The following PLXNC1 variants were observed in gnomAD, a reference collection of about 807,000 sequenced individuals.
The protein encoded by PLXNC1 is plexin-C1.
A neutral mutation model predicts 178.2 loss-of-function variants in PLXNC1; 75 were observed. The observed-to-expected ratio is 0.42, with a 90% CI of 0.35 to 0.51. PLXNC1 has a LOEUF of 0.51. PLXNC1 is among the 20% of genes least tolerant of loss of function. The pLI, the probability that PLXNC1 is intolerant of heterozygous loss-of-function variation, is 0.02. For synonymous variants in PLXNC1, 790 were observed against 779.9 expected (o/e 1.01, Z -0.22); for missense variants, 1,503 against 1,984.4 (o/e 0.76, Z 4.61).
Position 94,297,335 on chromosome 12 carries a change from C to T in PLXNC1, c.3986C>T (p.Ala1329Val). Reference protein sequence around the residue: ...HCHLILPDSEAFQDVQGKRHR... With the variant: ...HCHLILPDSEVFQDVQGKRHR... ...CTTCAGATTTTACCAGATTCGGAAG[C>T]ATTCCAAGATGTGCAAGGAAAGAGA... Residue 1329 changes from alanine to valine, a missense_variant, in exon 26 of 31, where the codon GCA (alanine) becomes GTA (valine). Ala to Val is a moderately conservative substitution (Grantham distance 64). Coordinates refer to ENST00000258526, the MANE Select transcript of PLXNC1 (RefSeq NM_005761.3). 1 of 1,613,956 alleles carries T rather than the reference C, an allele frequency of 6.2e-7. No homozygotes were observed. Among genetic ancestry groups the T allele is most frequent in the Non-Finnish European group, 8.5e-7 (1 of 1,179,836 alleles).
chr12:94,273,654 C>G (rs1169732430), intron 21 of PLXNC1, among the ~76,000 whole-genome samples: 1 of 152,166 alleles, frequency 6.6e-6, no homozygotes, highest in Admixed American at 6.5e-5. Flanking sequence ...AGTTCTTCTA[C>G]TAGTCTGCTA....
At chr12:94,165,275 C>T (rs1162486740) in intron 1 of PLXNC1, among the ~76,000 whole-genome samples, 3 of 152,210 alleles carry the variant, frequency 2.0e-5, no homozygotes, top group African/African-American at 4.8e-5. Context: ...GACGTTTCTC[C>T]GGAGCCTGTC....
At chr12:94,221,578 G>A (rs116700134) in intron 6 of PLXNC1, among the ~76,000 whole-genome samples, 4,001 of 152,156 alleles carry the variant, frequency 0.026, 84 homozygotes, top group Non-Finnish European at 0.027. Flanking sequence ...TGGGTTTTAT[G>A]GTGAGAGCTG....
intron 3 of PLXNC1, among the ~76,000 whole-genome samples, chr12:94,183,320 A>G (rs1482816908): frequency 6.6e-6 from 1 of 152,242 alleles, no homozygotes; most frequent in African/African-American, 2.4e-5. Flanking sequence ...TGAGATGGCC[A>G]CATCTTCCCA....
intron 9 of PLXNC1, among the ~76,000 whole-genome samples, chr12:94,231,461 A>G (rs11838129): frequency 0.094 from 14,346 of 152,196 alleles, 820 homozygotes; most frequent in African/African-American, 0.15. Context: ...TTCAGTGGCA[A>G]TGGAATGCCA....
At chr12:94,156,071 A>G (rs1425515974) in intron 1 of PLXNC1, among the ~76,000 whole-genome samples, 1 of 152,148 alleles carries the variant, frequency 6.6e-6, no homozygotes, top group African/African-American at 2.4e-5. Context: ...AAATTATTCA[A>G]CCTTTCTGTG....
chr12:94,299,553 C>T (rs1360928813), intron 27 of PLXNC1, among the ~76,000 whole-genome samples: 1 of 146,388 alleles, frequency 6.8e-6, no homozygotes, highest in Non-Finnish European at 1.5e-5. Context: ...CCTTCTCTTC[C>T]TGTGTTCTAG....
intron 5 of PLXNC1, among the ~76,000 whole-genome samples, chr12:94,215,661 G>A (rs1963627029): frequency 6.6e-6 from 1 of 151,870 alleles, no homozygotes; most frequent in Admixed American, 6.6e-5. Context: ...ATAGTGGAAA[G>A]CTCAGAAATA....
intron 5 of PLXNC1, among the ~76,000 whole-genome samples, chr12:94,218,316 G>T (rs1324422805): frequency 2.0e-5 from 3 of 152,140 alleles, no homozygotes; most frequent in Non-Finnish European, 4.4e-5. Flanking sequence ...GAAGATAGGG[G>T]TGACCTCCGG....
chr12:94,273,629 T>C (rs1965722244), intron 21 of PLXNC1, among the ~76,000 whole-genome samples: 1 of 152,120 alleles, frequency 6.6e-6, no homozygotes, highest in Admixed American at 6.6e-5. Context: ...TTAGAATGTG[T>C]TGTATATGCC....
intron 23 of PLXNC1, among the ~76,000 whole-genome samples, chr12:94,293,259 G>A (rs1179810758): frequency 1.3e-5 from 2 of 152,146 alleles, no homozygotes; most frequent in Non-Finnish European, 2.9e-5. Flanking sequence ...TTTCCAGTAT[G>A]GGACAATTAC....
At chr12:94,220,425 G>A (rs1311585407) in intron 6 of PLXNC1, among the ~76,000 whole-genome samples, 3 of 152,198 alleles carry the variant, frequency 2.0e-5, no homozygotes, top group Non-Finnish European at 4.4e-5. Flanking sequence ...AAGCCAGATA[G>A]CACTGGGCCG....
chr12:94,269,960 A>G (rs1253455388), intron 21 of PLXNC1, among the ~76,000 whole-genome samples: 2 of 152,240 alleles, frequency 1.3e-5, no homozygotes, highest in African/African-American at 4.8e-5. Context: ...TTTCCTCTTC[A>G]TACACTTTCT....
At chr12:94,203,105 G>C (rs950952276) in intron 4 of PLXNC1, among the ~76,000 whole-genome samples, 1 of 152,158 alleles carries the variant, frequency 6.6e-6, no homozygotes, top group African/African-American at 2.4e-5. Flanking sequence ...ATGGGTTGTA[G>C]AGGATGCTTA....
At position 94,306,013 on chromosome 12, in the gene PLXNC1, T is replaced by C. The variant is rs1323039164; in HGVS notation, c.*728T>C. ...ATTTTAACCAGATACTTTGTCCTAA[T>C]GTATGTTCCTTTTCTTCATCTGTTT... On this transcript the variant is annotated 3_prime_UTR_variant, in exon 31 of 31. Coordinates refer to ENST00000258526, the MANE Select transcript of PLXNC1 (RefSeq NM_005761.3). The C allele has an allele frequency of 1.3e-5, 2 of 152,214 alleles. No homozygotes were observed. Among genetic ancestry groups the C allele is most frequent in the African/African-American group, 4.8e-5 (2 of 41,458 alleles). 9.4% of individuals were successfully genotyped at this position (152,214 alleles called of 1,614,324 possible).
intron 4 of PLXNC1, among the ~76,000 whole-genome samples, chr12:94,204,789 T>C (rs1254682051): frequency 1.3e-5 from 2 of 152,238 alleles, no homozygotes; most frequent in East Asian, 3.8e-4. Context: ...CTTGGGTTGC[T>C]CTTATAGCAA....
At position 94,259,913 on chromosome 12, in the gene PLXNC1, A is replaced by AG. The variant is rs1196366788; in HGVS notation, c.3251+179_3251+180insG. ...CCTTGTCTCTACAAAAAAAAAAAAA[A>AG]AGAGAGAGAAATCAAACCTGAGTCC... On this transcript the variant is annotated intron_variant, in intron 19 of 30. Transcript: ENST00000258526. Among the ~76,000 whole-genome samples the AG allele has an allele frequency of 3.9e-5, 6 of 152,022 alleles. No individual in the cohort carries two copies. In the South Asian group the frequency reaches 6.2e-4, roughly 16 times the overall value.
At chr12:94,230,386 T>C (rs1020052002) in intron 9 of PLXNC1, among the ~76,000 whole-genome samples, 1 of 152,166 alleles carries the variant, frequency 6.6e-6, no homozygotes, top group African/African-American at 2.4e-5. Context: ...TCCTGCAGTG[T>C]ATCTCTCTGC....
intron 22 of PLXNC1, chr12:94,279,941 C>G: frequency 1.9e-6 from 1 of 519,534 alleles, no homozygotes; most frequent in East Asian, 3.9e-5. Flanking sequence ...TGAGACTGCA[C>G]GGAATCACCT....
Sources: gnomAD v4.1 joint callset for allele counts (sites outside exome capture counted in the v4.1 genomes callset) on GRCh38, gnomAD v4.1.1 for gene constraint, MANE v1.5 for transcripts, NCBI Gene and HGNC (gene_info 2026-07-23, HGNC 2026-07-21) for gene names.